The following MBNL1 variants were observed in gnomAD, a reference collection of about 807,000 sequenced individuals.
MBNL1 encodes the protein muscleblind like splicing regulator 1, also known as muscleblind-like protein 1.
Under a neutral mutation model 42.2 loss-of-function variants are expected in MBNL1, and 8 were observed. The ratio of observed to expected loss-of-function variants is 0.19; its 90% CI spans 0.11 to 0.34. The LOEUF is 0.34. Among genes scored for constraint, MBNL1 ranks in the 10% least tolerant of loss-of-function variants. The probability of loss-of-function intolerance (pLI) is 1.00; values close to 1 mark genes in which losing one functional copy is unlikely to be tolerated. For synonymous variants in MBNL1, 169 were observed against 173.9 expected (o/e 0.97, Z 0.22); for missense variants, 309 against 495.3 (o/e 0.62, Z 3.57).
chr3:152,307,267 G>A (rs2063673074), intron 2 of MBNL1, among the ~76,000 whole-genome samples: 1 of 152,144 alleles, frequency 6.6e-6, no homozygotes, highest in African/African-American at 2.4e-5. Context: ...GGGATTACAG[G>A]CGTGAGTCAC....
intron 2 of MBNL1, among the ~76,000 whole-genome samples, chr3:152,404,758 ATTATT>A (rs978854035): frequency 2.2e-4 from 33 of 149,264 alleles, no homozygotes; most frequent in African/African-American, 7.3e-4. Context: ...TAGTTTTTAA[ATTATT>A]TTATATCTAA....
intron 3 of MBNL1, among the ~76,000 whole-genome samples, chr3:152,431,583 CTT>C (rs139570504): frequency 0.071 from 10,830 of 152,216 alleles, 506 homozygotes; most frequent in Middle Eastern, 0.16. Flanking sequence ...TCTAATGTCT[CTT>C]TTATTCTAAA....
intron 2 of MBNL1, among the ~76,000 whole-genome samples, chr3:152,362,517 A>C (rs911558949): frequency 6.6e-6 from 1 of 152,208 alleles, no homozygotes; most frequent in African/African-American, 2.4e-5. Flanking sequence ...AAGGATGTCA[A>C]ATTGTTAAAT....
intron 2 of MBNL1, among the ~76,000 whole-genome samples, chr3:152,331,539 G>C (rs550019748): frequency 6.6e-6 from 1 of 151,580 alleles, no homozygotes; most frequent in African/African-American, 2.4e-5. Flanking sequence ...CACTTATTTT[G>C]ACCTAAGTAT....
At chr3:152,366,690 A>G (rs2096391956) in intron 2 of MBNL1, among the ~76,000 whole-genome samples, 1 of 152,214 alleles carries the variant, frequency 6.6e-6, no homozygotes, top group African/African-American at 2.4e-5. Flanking sequence ...ATATGTAGGC[A>G]TAAGGAAGAA....
chr3:152,246,712 G>A (rs1299530861), intron 2 of MBNL1, among the ~76,000 whole-genome samples: 1 of 151,932 alleles, frequency 6.6e-6, no homozygotes, highest in African/African-American at 2.4e-5. Flanking sequence ...TAAAAATTGA[G>A]ACTGGATGAC....
At chr3:152,297,227 C>T (rs982459854) in intron 1 of MBNL1, among the ~76,000 whole-genome samples, 3 of 146,602 alleles carry the variant, frequency 2.0e-5, no homozygotes, top group Middle Eastern at 7.5e-3. Context: ...AAGATAGACA[C>T]AGCTTACAGT....
chr3:152,452,000 C>T (rs17371539), intron 6 of MBNL1, among the ~76,000 whole-genome samples: 10,239 of 152,230 alleles, frequency 0.067, 450 homozygotes, highest in Middle Eastern at 0.16. Context: ...ATCTATTACA[C>T]GAAGACCTTA....
chr3:152,254,230 GT>G (rs2035112327), intron 2 of MBNL1, among the ~76,000 whole-genome samples: 3 of 152,144 alleles, frequency 2.0e-5, no homozygotes, highest in Non-Finnish European at 1.5e-5. Context: ...CCAAAAAGTG[GT>G]CCTTGGAGAC....
chr3:152,261,841 T>G (rs2036344499), intron 2 of MBNL1, among the ~76,000 whole-genome samples: 1 of 152,200 alleles, frequency 6.6e-6, no homozygotes. Context: ...TTTCTGACTT[T>G]CTTTCTGCCA....
At chr3:152,449,016 TTA>T (rs1217317427) in intron 6 of MBNL1, among the ~76,000 whole-genome samples, 1 of 152,142 alleles carries the variant, frequency 6.6e-6, no homozygotes, top group Non-Finnish European at 1.5e-5. Context: ...CACATTTCTC[TTA>T]TGTTTTGTAA....
rs555890833 is a variant in MBNL1, at chr3:152,295,182, C to T, written c.-789-4223C>T. 7.2e-5 allele frequency among the ~76,000 whole-genome samples: 11 copies of T among 152,252 alleles called. No homozygotes were observed. The South Asian group carries it at 1.0e-3, about 14-fold the overall frequency. On this transcript the variant is annotated intron_variant, in intron 1 of 9. Coordinates refer to ENST00000324210, the MANE Select transcript of MBNL1 (RefSeq NM_021038.5). ...TACAAATCTATGTTGATAATGCTTT[C>T]AGTAGCACTTTTGAAGTAAATAGAA... is the stretch of plus-strand genomic sequence containing the variant.
chr3:152,400,198 G>C (rs2098153369), intron 2 of MBNL1, among the ~76,000 whole-genome samples: 1 of 152,208 alleles, frequency 6.6e-6, no homozygotes, highest in Admixed American at 6.5e-5. Flanking sequence ...CCACTGAGGA[G>C]AGGATTCTAC....
At chr3:152,373,414 G>A (rs556882529) in intron 2 of MBNL1, among the ~76,000 whole-genome samples, 31 of 150,934 alleles carry the variant, frequency 2.1e-4, no homozygotes, top group Non-Finnish European at 3.1e-4. Context: ...CCTGTTTTGC[G>A]CTTGAAACCC....
At chr3:152,286,303 T>C (rs2051710200) in intron 1 of MBNL1, among the ~76,000 whole-genome samples, 1 of 144,986 alleles carries the variant, frequency 6.9e-6, no homozygotes, top group South Asian at 2.1e-4. Flanking sequence ...TATTTAATTA[T>C]ATTTTATTTA....
In MBNL1 at chr3:152,465,209, AAGAG is replaced by A. The variant is rs568152337; in HGVS notation, c.*2847_*2850del. On this transcript the variant is annotated 3_prime_UTR_variant, in exon 10 of 10. Coordinates refer to ENST00000324210, the MANE Select transcript of MBNL1 (RefSeq NM_021038.5). ...TGCATGTTTAAAACTTCAACAAAAAAAGAGAGAAAGAACTATACTAAGAACATAT... is the reference window on the plus strand; with the variant it reads ...TGCATGTTTAAAACTTCAACAAAAAAAGAAAGAACTATACTAAGAACATAT... 3.9e-5 allele frequency: 6 copies of A among 152,328 alleles called. No homozygotes were observed. In the South Asian group the frequency reaches 1.2e-3, roughly 32 times the overall value. 9.4% of individuals were successfully genotyped at this position (152,328 alleles called of 1,614,324 possible).
chr3:152,307,741 T>A (rs1314994646), intron 2 of MBNL1, among the ~76,000 whole-genome samples: 1 of 152,234 alleles, frequency 6.6e-6, no homozygotes, highest in East Asian at 1.9e-4. Context: ...CATTGCTTCT[T>A]AATTTCCATA....
chr3:152,296,042 A>G (rs2058408462), intron 1 of MBNL1, among the ~76,000 whole-genome samples: 1 of 152,244 alleles, frequency 6.6e-6, no homozygotes, highest in Admixed American at 6.5e-5. Flanking sequence ...AACTTTGCTG[A>G]GCAGTAAAGT....
chr3:152,418,613 C>CT (rs1553917121), intron 3 of MBNL1, among the ~76,000 whole-genome samples: 1 of 76,016 alleles, frequency 1.3e-5, no homozygotes, highest in African/African-American at 4.4e-5. Context: ...GACCCTGTCT[C>CT]TAAAAAAAAA....
Sources: allele counts gnomAD v4.1 joint callset (sites outside exome capture counted in the v4.1 genomes callset), GRCh38; gene constraint gnomAD v4.1.1; transcripts MANE v1.5; gene names NCBI Gene and HGNC (gene_info 2026-07-23, HGNC 2026-07-21).